ANKK1: variants seen among roughly 807,000 people sequenced by gnomAD.
ANKK1 encodes ankyrin repeat and kinase domain containing 1.
In ANKK1, 37 loss-of-function variants were observed where a neutral mutation model predicts 37.6. The ratio of observed to expected loss-of-function variants is 0.98; its 90% CI spans 0.76 to 1.29. The LOEUF (loss-of-function observed/expected upper bound fraction) is 1.29, where lower values mean the gene tolerates loss of function less well. Among genes scored for constraint, ANKK1 ranks in the 50% most tolerant of loss-of-function variants. The probability of loss-of-function intolerance (pLI) is 0.00; values close to 1 mark genes in which losing one functional copy is unlikely to be tolerated. For synonymous variants in ANKK1, 415 were observed against 418.7 expected, an observed-to-expected ratio of 0.99 and a Z score of 0.11; for missense variants, 1,019 against 990.6, an observed-to-expected ratio of 1.03 and a Z score of -0.39.
chr11:113,388,343 T>G (rs1228216321), intron 1 of ANKK1, among the ~76,000 whole-genome samples: 1 of 152,212 alleles, frequency 6.6e-6, no homozygotes, highest in Non-Finnish European at 1.5e-5. Flanking sequence ...CTTTATCCCA[T>G]CTGACCTTCC....
In ANKK1 at chr11:113,393,550, T is replaced by C. The variant is rs17115439; in HGVS notation, c.255T>C (p.Ser85=). ...MKKIKFQHIV[S]IYGVCKQPLG... ...AGATCAAGTTTCAGCACATCGTGTC[T>C]ATCTACGGGGTGTGCAAGCAGCCCC... Residue 85 remains serine, a synonymous_variant, in exon 2 of 8, where the codon TCT becomes TCC. Coordinates refer to ENST00000303941, the MANE Select transcript of ANKK1 (RefSeq NM_178510.2). 1,042,346 of 1,613,656 alleles carry C rather than the reference T, an allele frequency of 0.65. 340,864 individuals carry two copies. Among genetic ancestry groups the C allele is most frequent in the Non-Finnish European group, 0.67 (793,729 of 1,179,800 alleles).
In ANKK1 at chr11:113,388,045, C is replaced by T. The variant is rs1290422109; in HGVS notation, c.161C>T (p.Pro54Leu). 1.3e-6 allele frequency: 2 copies of T among 1,528,376 alleles called. No homozygotes were observed. The highest frequency in any genetic ancestry group is 1.2e-5 in the South Asian group (1 of 83,430). 94.7% of individuals were successfully genotyped at this position (1,528,376 alleles called of 1,614,324 possible). A position where few individuals can be genotyped will look rare whatever the true frequency, so the allele number is the denominator to read the frequency against. The change falls in exon 1 of 8, where the codon CCC becomes CTC. Residue 54 changes from proline to leucine, a missense_variant. Physicochemically the swap from Pro to Leu is moderately conservative, Grantham distance 98. Transcript: ENST00000303941. ...WRTEYAIKCAPCLPPDAASSD... is the reference protein window; with the variant it reads ...WRTEYAIKCALCLPPDAASSD... ...ACGGAGTACGCCATCAAGTGCGCCC[C>T]CTGCCTTCCACCCGACGCCGCCAGG...
chr11:113,396,345 T>A, intron 5 of ANKK1, 123 bp downstream of exon 5: 4 of 932,720 alleles, frequency 4.3e-6, no homozygotes, highest in Non-Finnish European at 5.9e-6. Flanking sequence ...AGAAGGACTT[T>A]TTTTTTTTTT....
intron 6 of ANKK1, 68 bp from the exon 7 acceptor site, chr11:113,397,912 G>A (rs1482559730): frequency 4.0e-6 from 6 of 1,509,874 alleles, no homozygotes; most frequent in Non-Finnish European, 5.4e-6. Context: ...GAGGGAAGGA[G>A]GGGAGGAGGG....
chr11:113,393,890 G>C, intron 2 of ANKK1, 115 bp downstream of exon 2: 1 of 1,258,430 alleles, frequency 7.9e-7, no homozygotes, highest in Non-Finnish European at 1.1e-6. Context: ...TCCCTTCATG[G>C]ACAAATTCTA....
At chr11:113,393,913 A>G (rs1033966448) in intron 2 of ANKK1, 138 bp downstream of exon 2, 5 of 1,093,978 alleles carry the variant, frequency 4.6e-6, no homozygotes, top group African/African-American at 1.6e-5. Flanking sequence ...GGCAGGGATC[A>G]CACTGCAATA....
chr11:113,389,507 C>G (rs1482070005), intron 1 of ANKK1, among the ~76,000 whole-genome samples: 1 of 152,140 alleles, frequency 6.6e-6, no homozygotes, highest in Non-Finnish European at 1.5e-5. Context: ...GAGATTGCAG[C>G]CTAGGGGGAG....
chr11:113,395,549 C>T, intron 4 of ANKK1, 141 bp downstream of exon 4: 3 of 843,250 alleles, frequency 3.6e-6, no homozygotes, highest in Non-Finnish European at 5.7e-6. Context: ...AGGGATTCCT[C>T]TCCTCACCCT....
intron 6 of ANKK1, among the ~76,000 whole-genome samples, 198 bp from the exon 7 acceptor site, chr11:113,397,782 G>A (rs1201011241): frequency 6.6e-6 from 1 of 152,220 alleles, no homozygotes; most frequent in Non-Finnish European, 1.5e-5. Context: ...GCCTCTTTCT[G>A]GAGGGTTTCT....
rs1237669760 is a variant in ANKK1 at position 113,399,388 on chromosome 11, T to G, written c.1419T>G (p.Phe473Leu). 6.2e-7 allele frequency: 1 copy of G among 1,601,266 alleles called. No homozygotes were observed. The highest frequency in any genetic ancestry group is 1.7e-5 in the Admixed American group (1 of 58,506). ...TTCACCTGGCTGCACAGAATAACTT[T>G]GAGAATGTGGCACGGCTTCTGGTCT... Reference protein sequence around the residue: ...TPLHLAAQNNFENVARLLVSR... With the variant: ...TPLHLAAQNNLENVARLLVSR... The change falls in exon 8 of 8, where the codon TTT (phenylalanine) becomes TTG (leucine). Residue 473 changes from phenylalanine (F) to leucine (L), a missense_variant. Physicochemically the swap from Phe to Leu is conservative, Grantham distance 22. Transcript: ENST00000303941.
At chr11:113,398,907 G>C in intron 7 of ANKK1, 57 bp from the exon 8 acceptor site, 1 of 1,463,736 alleles carries the variant, frequency 6.8e-7, no homozygotes. Flanking sequence ...GGATGGCCAT[G>C]ATGACCTCTG....
rs577726173 is a variant in ANKK1 at position 113,395,978 on chromosome 11, G to A, written c.683-89G>A. On this transcript the variant is annotated intron_variant, in intron 4 of 7. Coordinates refer to ENST00000303941, the MANE Select transcript of ANKK1 (RefSeq NM_178510.2). ...GGAGCCCCCACTGCGTGCATGCCCT[G>A]TTGGGATCCTCAGAGCCCCCGCCTT... 4.4e-4 allele frequency: 657 copies of A among 1,493,386 alleles called. 2 individuals carry two copies. Among genetic ancestry groups the A allele is most frequent in the Admixed American group, 1.3e-3 (74 of 55,734 alleles). 92.5% of individuals were successfully genotyped at this position (1,493,386 alleles called of 1,614,324 possible).
intron 7 of ANKK1, among the ~76,000 whole-genome samples, chr11:113,398,630 C>A (rs1591264263): frequency 6.6e-6 from 1 of 152,034 alleles, no homozygotes; most frequent in East Asian, 1.9e-4. Context: ...CATATCTGAT[C>A]CAGATATGGA....
At chr11:113,393,143 G>A (rs1346593520) in intron 1 of ANKK1, among the ~76,000 whole-genome samples, 1 of 152,162 alleles carries the variant, frequency 6.6e-6, no homozygotes, top group Non-Finnish European at 1.5e-5. Context: ...TTGGTCCTCT[G>A]GGGGCTCAAA....
Position 113,399,077 on chromosome 11 carries a change from G to A in ANKK1, c.1108G>A (p.Val370Met). ...ENKVTPLHFL[V>M]AQGSVEQVRL... ...CAAGGTCACCCCCCTCCACTTCCTG[G>A]TGGCCCAGGGCAGTGTGGAGCAGGT... Residue 370 changes from valine (V) to methionine (M), a missense_variant, in exon 8 of 8, where the codon GTG (valine) becomes ATG (methionine). Coordinates refer to ENST00000303941, the MANE Select transcript of ANKK1 (RefSeq NM_178510.2). 6.2e-7 allele frequency: 1 copy of A among 1,600,118 alleles called. No individual in the cohort carries two copies. Among genetic ancestry groups the A allele is most frequent in the Non-Finnish European group, 8.5e-7 (1 of 1,173,372 alleles).
chr11:113,392,331 G>C (rs1038296476), intron 1 of ANKK1, among the ~76,000 whole-genome samples: 2 of 152,212 alleles, frequency 1.3e-5, no homozygotes, highest in South Asian at 2.1e-4. Flanking sequence ...AAGAGGATGA[G>C]AGAAGACAGA....
At chr11:113,396,540 A>G (rs1338778925) in intron 5 of ANKK1, among the ~76,000 whole-genome samples, 1 of 151,728 alleles carries the variant, frequency 6.6e-6, no homozygotes, top group African/African-American at 2.4e-5. Context: ...GGGTCTCGCT[A>G]TGTTATTCAG....
At position 113,387,922 on chromosome 11, in the gene ANKK1, TC is replaced by T; in HGVS notation, c.42del (p.Val15SerfsTer13). The part of the protein sequence containing the change: ...ADPTELRLGS[L>X]PVFTRDDFEG... ...CCCACCGAGCTGCGGCTGGGCAGCCTCCCCGTCTTCACCCGCGACGACTTCG... is the reference window on the plus strand; with the variant it reads ...CCCACCGAGCTGCGGCTGGGCAGCCTCCCGTCTTCACCCGCGACGACTTCG... On this transcript the variant is annotated frameshift_variant, in exon 1 of 8. Coordinates refer to ENST00000303941, the MANE Select transcript of ANKK1 (RefSeq NM_178510.2). LOFTEE classifies it high-confidence loss of function. 6.4e-7 allele frequency: 1 copy of T among 1,567,398 alleles called. No homozygotes were observed.
chr11:113,390,793 C>T (rs988993882), intron 1 of ANKK1, among the ~76,000 whole-genome samples: 1 of 150,354 alleles, frequency 6.7e-6, no homozygotes, highest in Non-Finnish European at 1.5e-5. Context: ...TCATTCCAAG[C>T]ACTACGTGAA....
Sources: allele counts gnomAD v4.1 joint callset (sites outside exome capture counted in the v4.1 genomes callset), GRCh38; gene constraint gnomAD v4.1.1; transcripts MANE v1.5; gene names NCBI Gene and HGNC (gene_info 2026-07-23, HGNC 2026-07-21).